Variants in FOXN3 observed in about 807,000 individuals in gnomAD.
FOXN3 encodes forkhead box protein N3.
In FOXN3, 7 loss-of-function variants were observed where a neutral mutation model predicts 38.4. The ratio of observed to expected loss-of-function variants is 0.18; its 90% CI spans 0.10 to 0.34. The LOEUF is 0.34. Among genes scored for constraint, FOXN3 ranks in the 10% least tolerant of loss-of-function variants. The pLI is 1.00. For missense variants in FOXN3, 456 were observed against 613.4 expected, an observed-to-expected ratio of 0.74 and a Z score of 2.71; for synonymous variants, 230 against 242.2, an observed-to-expected ratio of 0.95 and a Z score of 0.47.
At chr14:89,536,361 T>C (rs1490047654) in intron 1 of FOXN3, among the ~76,000 whole-genome samples, 2 of 152,208 alleles carry the variant, frequency 1.3e-5, no homozygotes, top group Admixed American at 6.5e-5. Flanking sequence ...GCTTAGAAAG[T>C]AGTGAGTACA....
intron 4 of FOXN3, among the ~76,000 whole-genome samples, chr14:89,182,157 A>G (rs1441004663): frequency 1.3e-5 from 2 of 152,388 alleles, no homozygotes; most frequent in East Asian, 3.8e-4. Flanking sequence ...TTATATAGGT[A>G]GAATAAATGC....
At chr14:89,359,423 T>C (rs1024788578) in intron 2 of FOXN3, among the ~76,000 whole-genome samples, 3 of 152,148 alleles carry the variant, frequency 2.0e-5, no homozygotes, top group African/African-American at 7.2e-5. Context: ...TAGGTACTTG[T>C]CAAATTGTGA....
chr14:89,603,187 C>T (rs1236650598), intron 1 of FOXN3, among the ~76,000 whole-genome samples: 1 of 152,172 alleles, frequency 6.6e-6, no homozygotes, highest in Non-Finnish European at 1.5e-5. Context: ...TGAGCCTCCA[C>T]ATGCTTTTCC....
At chr14:89,264,584 C>A (rs1053422216) in intron 4 of FOXN3, among the ~76,000 whole-genome samples, 1 of 152,114 alleles carries the variant, frequency 6.6e-6, no homozygotes, top group African/African-American at 2.4e-5. Context: ...TGTATACTGT[C>A]CTTGGCTGGG....
intron 1 of FOXN3, among the ~76,000 whole-genome samples, chr14:89,458,307 C>T (rs1050749676): frequency 6.6e-6 from 1 of 152,222 alleles, no homozygotes; most frequent in Non-Finnish European, 1.5e-5. Context: ...CTTGCAGGCT[C>T]GGCTCCCCTT....
chr14:89,584,013 C>T (rs920075682), intron 1 of FOXN3, among the ~76,000 whole-genome samples: 1 of 151,440 alleles, frequency 6.6e-6, no homozygotes, highest in Admixed American at 6.6e-5. Flanking sequence ...TGTGCCACCA[C>T]CACACCCAGC....
intron 4 of FOXN3, among the ~76,000 whole-genome samples, chr14:89,198,784 G>A (rs574961766): frequency 3.9e-5 from 6 of 152,236 alleles, no homozygotes; most frequent in Non-Finnish European, 7.3e-5. Flanking sequence ...ATAGTGCTAA[G>A]GCTGAGAAAC....
At chr14:89,491,737 C>T (rs1294793613) in intron 1 of FOXN3, among the ~76,000 whole-genome samples, 1 of 152,186 alleles carries the variant, frequency 6.6e-6, no homozygotes, top group Non-Finnish European at 1.5e-5. Flanking sequence ...TAAGATCCGT[C>T]TGTACCTTCA....
intron 5 of FOXN3, among the ~76,000 whole-genome samples, chr14:89,174,662 C>G (rs1341230807): frequency 6.6e-6 from 1 of 152,186 alleles, no homozygotes; most frequent in Non-Finnish European, 1.5e-5. Flanking sequence ...GAATGTTGAT[C>G]AAATTTCACA....
chr14:89,325,882 C>T (rs958202950), intron 3 of FOXN3, among the ~76,000 whole-genome samples: 4 of 152,338 alleles, frequency 2.6e-5, no homozygotes, highest in Admixed American at 6.5e-5. Context: ...TAGCCCCTGT[C>T]CTGTCAAGTA....
chr14:89,201,640 C>T (rs960271783), intron 4 of FOXN3, among the ~76,000 whole-genome samples: 3 of 152,174 alleles, frequency 2.0e-5, no homozygotes, highest in Admixed American at 1.3e-4. Flanking sequence ...GGGAGATGCT[C>T]AGAGTATAGG....
chr14:89,390,420 A>G (rs1890911254), intron 2 of FOXN3, among the ~76,000 whole-genome samples: 2 of 148,692 alleles, frequency 1.3e-5, no homozygotes, highest in African/African-American at 4.9e-5. Context: ...AAAATGATAA[A>G]GCAGTGAAAT....
intron 4 of FOXN3, among the ~76,000 whole-genome samples, chr14:89,186,467 T>C (rs1449801691): frequency 6.6e-6 from 1 of 152,006 alleles, no homozygotes; most frequent in Non-Finnish European, 1.5e-5. Context: ...ACGGGGCTTG[T>C]CAAACGGGAA....
chr14:89,315,344 A>G (rs1887688758), intron 3 of FOXN3, among the ~76,000 whole-genome samples: 1 of 152,210 alleles, frequency 6.6e-6, no homozygotes, highest in African/African-American at 2.4e-5. Flanking sequence ...TAACGTCGGC[A>G]TAACCCTGAA....
chr14:89,319,703 T>C (rs978523555), intron 3 of FOXN3, among the ~76,000 whole-genome samples: 6 of 152,126 alleles, frequency 3.9e-5, no homozygotes, highest in Admixed American at 2.0e-4. Context: ...AGACTTGCTA[T>C]GTTCAATCTT....
chr14:89,417,644 A>T, upstream of FOXN3: 1 of 455,294 alleles, frequency 2.2e-6, no homozygotes, highest in South Asian at 1.5e-5. Flanking sequence ...TGCATGCCTT[A>T]CATGGCTCGA....
intron 3 of FOXN3, among the ~76,000 whole-genome samples, chr14:89,298,042 A>G (rs2139942823): frequency 6.6e-6 from 1 of 152,332 alleles, no homozygotes; most frequent in East Asian, 1.9e-4. Context: ...GCCAAGAGGT[A>G]GAAGCAACCT....
At chr14:89,187,593 T>C (rs1206296725) in intron 4 of FOXN3, among the ~76,000 whole-genome samples, 1 of 152,200 alleles carries the variant, frequency 6.6e-6, no homozygotes, top group Non-Finnish European at 1.5e-5. Flanking sequence ...ATTCTGCCTG[T>C]AATGCTTCTC....
intron 1 of FOXN3, among the ~76,000 whole-genome samples, chr14:89,600,109 C>G (rs905301910): frequency 1.3e-5 from 2 of 152,104 alleles, no homozygotes; most frequent in Non-Finnish European, 2.9e-5. Flanking sequence ...TAATTTTGAG[C>G]AGCTTTTCTC....
Sources: gnomAD v4.1 joint callset for allele counts (sites outside exome capture counted in the v4.1 genomes callset) on GRCh38, gnomAD v4.1.1 for gene constraint, MANE v1.5 for transcripts, NCBI Gene and HGNC (gene_info 2026-07-23, HGNC 2026-07-21) for gene names.